Variants in GMDS observed in about 807,000 individuals in gnomAD.
The protein encoded by GMDS is GDP-mannose 4,6-dehydratase.
In GMDS, 20 loss-of-function variants were observed where a neutral mutation model predicts 49.9. The ratio of observed to expected loss-of-function variants is 0.40; its 90% CI spans 0.28 to 0.58. The LOEUF (loss-of-function observed/expected upper bound fraction) is 0.58, where lower values mean the gene tolerates loss of function less well. GMDS is among the 20% of genes least tolerant of loss of function. The pLI, the probability that GMDS is intolerant of heterozygous loss-of-function variation, is 0.42. For missense variants in GMDS, 362 were observed against 481.4 expected, an observed-to-expected ratio of 0.75 and a Z score of 2.32; for synonymous variants, 177 against 178.6, an observed-to-expected ratio of 0.99 and a Z score of 0.07.
chr6:2,177,211 A>G (rs1396721927), intron 1 of GMDS, among the ~76,000 whole-genome samples: 1 of 152,194 alleles, frequency 6.6e-6, no homozygotes, highest in African/African-American at 2.4e-5. Context: ...CTTAATCTCA[A>G]TGAAGTGGGA....
intron 9 of GMDS, among the ~76,000 whole-genome samples, chr6:1,724,628 A>T (rs1441428197): frequency 2.0e-5 from 3 of 152,228 alleles, no homozygotes; most frequent in African/African-American, 7.2e-5. Context: ...GATTGTAGAT[A>T]CAGAAAAGCA....
At chr6:1,827,102 G>T (rs917500877) in intron 7 of GMDS, among the ~76,000 whole-genome samples, 4 of 148,328 alleles carry the variant, frequency 2.7e-5, no homozygotes, top group African/African-American at 9.9e-5. Flanking sequence ...GTGTGTGTGT[G>T]TGTGTGTGTG....
intron 9 of GMDS, among the ~76,000 whole-genome samples, chr6:1,693,129 A>T (rs930042266): frequency 3.3e-5 from 5 of 152,182 alleles, no homozygotes; most frequent in African/African-American, 9.7e-5. Flanking sequence ...CCTTCCGAAC[A>T]CCCTACCAAT....
intron 7 of GMDS, among the ~76,000 whole-genome samples, chr6:1,767,363 C>T (rs1192871486): frequency 1.3e-5 from 2 of 152,144 alleles, no homozygotes; most frequent in African/African-American, 2.4e-5. Context: ...ATAAAAATAC[C>T]AGTTCACCTT....
intron 6 of GMDS, among the ~76,000 whole-genome samples, chr6:1,946,744 G>A (rs1321053882): frequency 3.9e-5 from 6 of 152,168 alleles, no homozygotes; most frequent in Non-Finnish European, 5.9e-5. Flanking sequence ...TGCAGAAAAG[G>A]AGGAGCGTGT....
chr6:1,734,571 T>C (rs1581523628), intron 8 of GMDS, among the ~76,000 whole-genome samples: 1 of 152,222 alleles, frequency 6.6e-6, no homozygotes, highest in East Asian at 1.9e-4. Flanking sequence ...AACACCTGTT[T>C]CACGTGGTCT....
chr6:1,900,549 T>A (rs1305375109), intron 7 of GMDS, among the ~76,000 whole-genome samples: 2 of 152,246 alleles, frequency 1.3e-5, no homozygotes, highest in South Asian at 2.1e-4. Flanking sequence ...TACTGAAGTA[T>A]AATATACAAA....
At chr6:1,864,160 T>G (rs574067581) in intron 7 of GMDS, among the ~76,000 whole-genome samples, 2 of 152,318 alleles carry the variant, frequency 1.3e-5, no homozygotes, top group Admixed American at 1.3e-4. Flanking sequence ...TCTAAACTTT[T>G]CTCATTATTT....
At chr6:1,910,726 A>C (rs1339764380) in intron 7 of GMDS, among the ~76,000 whole-genome samples, 13 of 152,210 alleles carry the variant, frequency 8.5e-5, no homozygotes, top group Non-Finnish European at 1.9e-4. Flanking sequence ...GAAAAGCCTC[A>C]GTCTGAGGAA....
intron 7 of GMDS, among the ~76,000 whole-genome samples, chr6:1,790,193 G>A (rs1371030326): frequency 6.6e-6 from 1 of 152,100 alleles, no homozygotes; most frequent in African/African-American, 2.4e-5. Context: ...TCACACTCCA[G>A]TATGACAGCT....
At chr6:1,818,766 C>T (rs1770773896) in intron 7 of GMDS, among the ~76,000 whole-genome samples, 1 of 151,734 alleles carries the variant, frequency 6.6e-6, no homozygotes, top group Non-Finnish European at 1.5e-5. Flanking sequence ...TACATAGACC[C>T]TGGATCATCA....
chr6:1,751,198 T>C (rs909316532), intron 7 of GMDS, among the ~76,000 whole-genome samples: 5 of 152,164 alleles, frequency 3.3e-5, no homozygotes, highest in African/African-American at 1.2e-4. Context: ...GCAGCGGATC[T>C]CCCAGCACAA....
intron 4 of GMDS, among the ~76,000 whole-genome samples, chr6:1,971,086 T>G (rs2628460): frequency 6.6e-6 from 1 of 151,626 alleles, no homozygotes; most frequent in Non-Finnish European, 1.5e-5. Flanking sequence ...AAAGGAGAGA[T>G]AAATGCACCG....
intron 7 of GMDS, among the ~76,000 whole-genome samples, chr6:1,814,431 C>T (rs1417769334): frequency 6.6e-6 from 1 of 151,646 alleles, no homozygotes; most frequent in Non-Finnish European, 1.5e-5. Flanking sequence ...ATAAGGGCAC[C>T]CAGAAAAAAA....
chr6:1,731,069 T>C (rs1766784559), intron 8 of GMDS, among the ~76,000 whole-genome samples: 1 of 152,112 alleles, frequency 6.6e-6, no homozygotes, highest in South Asian at 2.1e-4. Context: ...AACAGGATAC[T>C]ACATAAAAAG....
intron 9 of GMDS, among the ~76,000 whole-genome samples, chr6:1,691,619 G>A (rs1487277614): frequency 6.6e-6 from 1 of 152,154 alleles, no homozygotes; most frequent in Non-Finnish European, 1.5e-5. Flanking sequence ...CCTTAACAGT[G>A]GGTCTACAAG....
At chr6:2,051,716 A>G (rs1770406696) in intron 4 of GMDS, among the ~76,000 whole-genome samples, 1 of 152,188 alleles carries the variant, frequency 6.6e-6, no homozygotes, top group African/African-American at 2.4e-5. Flanking sequence ...CTGGTGCCAT[A>G]TACCCTAATC....
At chr6:1,658,812 C>T (rs892222925) in intron 9 of GMDS, among the ~76,000 whole-genome samples, 1 of 152,230 alleles carries the variant, frequency 6.6e-6, no homozygotes, top group Non-Finnish European at 1.5e-5. Context: ...GCCGGCATGG[C>T]ACTGTTGCCC....
Position 1,899,817 on chromosome 6 carries a change from G to A in GMDS, c.771+30286C>T, listed in dbSNP as rs181619808. The stretch of plus-strand genomic sequence containing the variant: ...GAGACCTGCAACAGGGCACCCTGTC[G>A]TTAGCTGCTGAAGAAAGTCCACACA... On this transcript the variant is annotated intron_variant, in intron 7 of 10. Coordinates refer to ENST00000380815, the MANE Select transcript of GMDS (RefSeq NM_001500.4). Among the ~76,000 whole-genome samples the A allele has an allele frequency of 1.2e-4, 18 of 151,128 alleles. No homozygotes were observed. The East Asian group carries it at 3.3e-3, about 28-fold the overall frequency.
Sources: gnomAD v4.1 joint callset for allele counts (sites outside exome capture counted in the v4.1 genomes callset) on GRCh38, gnomAD v4.1.1 for gene constraint, MANE v1.5 for transcripts, NCBI Gene and HGNC (gene_info 2026-07-23, HGNC 2026-07-21) for gene names.